TRIM71: variants seen among roughly 807,000 people sequenced by gnomAD.
The protein encoded by TRIM71 is E3 ubiquitin-protein ligase TRIM71.
In TRIM71, 9 loss-of-function variants were observed where a neutral mutation model predicts 61.2. The ratio of observed to expected loss-of-function variants is 0.15; its 90% CI spans 0.09 to 0.26. TRIM71 has a LOEUF of 0.26. Ranked by LOEUF, TRIM71 falls within the 10% of genes least tolerant of loss-of-function variation. The pLI, the probability that TRIM71 is intolerant of heterozygous loss-of-function variation, is 1.00. For missense variants in TRIM71, 998 were observed against 1,238.7 expected (o/e 0.81, Z 2.92); for synonymous variants, 645 against 553.2 (o/e 1.17, Z -2.33).
chr3:32,848,762 C>T (rs1311060673), intron 1 of TRIM71, among the ~76,000 whole-genome samples: 1 of 152,048 alleles, frequency 6.6e-6, no homozygotes, highest in Non-Finnish European at 1.5e-5. Context: ...GGCTGTGGAC[C>T]CAGTGGAGTC....
intron 1 of TRIM71, among the ~76,000 whole-genome samples, chr3:32,841,291 A>G (rs1696402729): frequency 6.6e-6 from 1 of 152,068 alleles, no homozygotes; most frequent in Non-Finnish European, 1.5e-5. Context: ...CACAGGGGAA[A>G]TGTGTGCCCT....
chr3:32,884,983 AACCTGGGTT>A (rs916557538), intron 2 of TRIM71, among the ~76,000 whole-genome samples: 3 of 152,148 alleles, frequency 2.0e-5, no homozygotes, highest in Admixed American at 1.3e-4. Flanking sequence ...CCAGGATTGG[AACCTGGGTT>A]ACCTGACTCC....
In TRIM71 at chr3:32,832,100, T is replaced by TG. The variant is rs145536276; in HGVS notation, c.852+13176dup. ...CTGAAAAGGAAAAGGTGAATTGTGG[T>TG]GGGGGGGGATTCTCTACTTCCCTAT... is the stretch of plus-strand genomic sequence containing the variant. On this transcript the variant is annotated intron_variant, in intron 1 of 3. Transcript: ENST00000383763. Among the ~76,000 whole-genome samples the TG allele has an allele frequency of 5.0e-4, 76 of 151,808 alleles. 1 individual carries two copies. The highest frequency in any genetic ancestry group is 1.7e-3 in the South Asian group (8 of 4,810).
At chr3:32,822,939 A>T (rs74787695) in intron 1 of TRIM71, among the ~76,000 whole-genome samples, 1,960 of 152,212 alleles carry the variant, frequency 0.013, 33 homozygotes, top group African/African-American at 0.044. Flanking sequence ...ACAAATTTTT[A>T]AAAAAAATTT....
chr3:32,841,645 C>CAAA (rs1274860521), intron 1 of TRIM71, among the ~76,000 whole-genome samples: 63 of 152,264 alleles, frequency 4.1e-4, no homozygotes, highest in Non-Finnish European at 7.5e-4. Flanking sequence ...GAAAAAGCCC[C>CAAA]AGAGGCAGGG....
At chr3:32,823,607 C>G (rs1200131314) in intron 1 of TRIM71, among the ~76,000 whole-genome samples, 2 of 148,392 alleles carry the variant, frequency 1.3e-5, no homozygotes, top group Non-Finnish European at 3.0e-5. Flanking sequence ...CTTCATTTGA[C>G]AACGGTATTT....
intron 1 of TRIM71, among the ~76,000 whole-genome samples, chr3:32,852,034 C>CCT (rs1295770036): frequency 3.3e-5 from 5 of 152,166 alleles, no homozygotes; most frequent in Non-Finnish European, 7.4e-5. Context: ...TACCCAAAAC[C>CCT]CTCTGGAGCG....
chr3:32,877,268 T>A (rs1042195031), intron 2 of TRIM71, among the ~76,000 whole-genome samples: 1 of 152,136 alleles, frequency 6.6e-6, no homozygotes, highest in African/African-American at 2.4e-5. Context: ...CACTCCCGAC[T>A]AATTTTTGTC....
At position 32,894,413 on chromosome 3, in the gene TRIM71, G is replaced by A. The variant is rs1213329687; in HGVS notation, c.*2602G>A. On this transcript the variant is annotated 3_prime_UTR_variant, in exon 4 of 4. Transcript: ENST00000383763. ...ATGTGATCGAAAAGCCAAGATTTTCGCTCCATGGCTGAAATTATCAGGTCT... is the reference window on the plus strand; with the variant it reads ...ATGTGATCGAAAAGCCAAGATTTTCACTCCATGGCTGAAATTATCAGGTCT... The A allele has an allele frequency of 1.3e-5, 2 of 152,032 alleles. No homozygotes were observed. Among genetic ancestry groups the A allele is most frequent in the East Asian group, 1.9e-4 (1 of 5,196 alleles). The allele number at this position is 152,032 out of a possible 1,614,324, so 9.4% of individuals were successfully genotyped here. A position where few individuals can be genotyped will look rare whatever the true frequency, so the allele number is the denominator to read the frequency against.
chr3:32,864,854 GT>G (rs1696714235), intron 1 of TRIM71, among the ~76,000 whole-genome samples: 2 of 8,218 alleles, frequency 2.4e-4, no homozygotes, highest in Non-Finnish European at 1.5e-3. Context: ...TGGTGTGTGT[GT>G]GTGTGTGTGT....
rs542910235 is a variant in TRIM71 at position 32,821,359 on chromosome 3, A to T, written c.852+2427A>T. Among the ~76,000 whole-genome samples, 3 of 152,144 alleles carry T rather than the reference A, an allele frequency of 2.0e-5. No homozygotes were observed. In the South Asian group the frequency reaches 6.2e-4, roughly 32 times the overall value. ...GCTCCGTTAAATAATTCAGAGTAGC[A>T]CCTTTTCCTTATAGTGACTCAGGCC... On this transcript the variant is annotated intron_variant, in intron 1 of 3. Transcript: ENST00000383763.
chr3:32,870,815 C>CTGT (rs568925216), intron 1 of TRIM71, among the ~76,000 whole-genome samples: 3 of 152,244 alleles, frequency 2.0e-5, no homozygotes, highest in East Asian at 1.9e-4. Context: ...ACTACTTGTT[C>CTGT]TGTTGTTGTT....
chr3:32,883,853 C>T (rs748737836), intron 2 of TRIM71, among the ~76,000 whole-genome samples: 18 of 152,168 alleles, frequency 1.2e-4, no homozygotes, highest in Non-Finnish European at 2.2e-4. Flanking sequence ...TGTAATGGTA[C>T]TTGAGACAGG....
chr3:32,831,536 CTTTTTT>C (rs71068093), intron 1 of TRIM71, among the ~76,000 whole-genome samples: 2 of 96,690 alleles, frequency 2.1e-5, no homozygotes, highest in African/African-American at 3.7e-5. Flanking sequence ...GCTTATCTTC[CTTTTTT>C]TTTTTTTTTT....
chr3:32,885,491 C>T lies in TRIM71; in HGVS notation c.1021-443C>T, dbSNP rs112146062. ...AAAAGCAGGATGGATTAGCCACTAC[C>T]CTGTCGCACACCCTCACGTAAGGGA... On this transcript the variant is annotated intron_variant, in intron 2 of 3. Transcript: ENST00000383763. Among the ~76,000 whole-genome samples the T allele has an allele frequency of 3.4e-3, 523 of 152,212 alleles. 2 individuals are homozygous for T. Among genetic ancestry groups the T allele is most frequent in the African/African-American group, 0.011 (466 of 41,522 alleles).
chr3:32,847,170 T>G (rs1425958070), intron 1 of TRIM71, among the ~76,000 whole-genome samples: 2 of 150,372 alleles, frequency 1.3e-5, no homozygotes, highest in Admixed American at 1.3e-4. Context: ...GACTACAGGC[T>G]CTCGCCGCCA....
Position 32,890,877 on chromosome 3 carries a change from G to A in TRIM71, c.1673G>A (p.Gly558Asp). The stretch of plus-strand genomic sequence containing the variant: ...GTGAGTTACCGACCCCAGCTGGAGG[G>A]TGAGCACCTGGTATCTGTGACACTG... ...YVVSYRPQLE[G>D]EHLVSVTLCN... is the part of the protein sequence containing the mutation. Residue 558 changes from glycine to aspartate, a missense_variant, in exon 4 of 4, where the codon GGT (glycine) becomes GAT (aspartate). Physicochemically the swap from Gly to Asp is moderately conservative, Grantham distance 94 (BLOSUM62 -1). Coordinates refer to ENST00000383763, the MANE Select transcript of TRIM71 (RefSeq NM_001039111.3). This position sits in a 1 kb window ranked among gnomAD's most constrained non-coding sequence, Gnocchi z 6.2. 1 of 1,614,210 alleles carries A rather than the reference G, an allele frequency of 6.2e-7. No individual in the cohort carries two copies. Among genetic ancestry groups the A allele is most frequent in the Non-Finnish European group, 8.5e-7 (1 of 1,180,032 alleles).
At chr3:32,869,971 C>G (rs1035932927) in intron 1 of TRIM71, among the ~76,000 whole-genome samples, 1 of 152,240 alleles carries the variant, frequency 6.6e-6, no homozygotes, top group Non-Finnish European at 1.5e-5. Flanking sequence ...AGTCCCTTCC[C>G]CCCTTTCCCG....
At chr3:32,883,119 GCT>G (rs1194259072) in intron 2 of TRIM71, among the ~76,000 whole-genome samples, 1 of 152,140 alleles carries the variant, frequency 6.6e-6, no homozygotes, top group African/African-American at 2.4e-5. Context: ...GAGCTCTCTT[GCT>G]CTCTCTCGCT....
Sources: allele counts gnomAD v4.1 joint callset (sites outside exome capture counted in the v4.1 genomes callset), GRCh38; gene constraint gnomAD v4.1.1; non-coding constraint Gnocchi (gnomAD v3.1); transcripts MANE v1.5; gene names NCBI Gene and HGNC (gene_info 2026-07-23, HGNC 2026-07-21).